WDR59: variants seen among roughly 807,000 people sequenced by gnomAD.
WDR59 encodes the protein WD repeat domain 59, also known as GATOR2 complex protein WDR59.
In WDR59, 100 loss-of-function variants were observed where a neutral mutation model predicts 131.2. That is an observed-to-expected ratio of 0.76 (90% confidence interval 0.65 to 0.90). The LOEUF (loss-of-function observed/expected upper bound fraction) is 0.90. WDR59 is among the 40% of genes least tolerant of loss of function. WDR59 has a pLI of 0.00. For missense variants in WDR59, 1,203 were observed against 1,262.2 expected, an observed-to-expected ratio of 0.95 and a Z score of 0.71; for synonymous variants, 601 against 466.2, an observed-to-expected ratio of 1.29 and a Z score of -3.72.
chr16:74,940,856 CCA>C (rs2032163177), intron 7 of WDR59, among the ~76,000 whole-genome samples: 1 of 152,026 alleles, frequency 6.6e-6, no homozygotes, highest in Admixed American at 6.6e-5. Context: ...CAGGCGCCCG[CCA>C]TCACGCCCAG....
At position 74,912,226 on chromosome 16, in the gene WDR59, G is replaced by A. The variant is rs780977659; in HGVS notation, c.1361C>T (p.Thr454Ile). The change falls in exon 14 of 26, where the codon ACA (threonine) becomes ATA (isoleucine). Residue 454 changes from threonine to isoleucine, a missense_variant. Physicochemically the swap from Thr to Ile is moderately conservative, Grantham distance 89. Transcript: ENST00000262144. ...CAGCAGCTTAGCTTTCATGGTGGAT[G>A]TGATGGTTGTGGGGTTAATAAACTG... ...SFQFINPTTI[T>I]STMKAKLLKI... 1.2e-5 allele frequency: 19 copies of A among 1,614,084 alleles called. No homozygotes were observed. The African/African-American group carries it at 2.0e-4, about 17-fold the overall frequency.
chr16:74,976,634 G>T (rs566437623), intron 1 of WDR59, among the ~76,000 whole-genome samples: 22 of 151,962 alleles, frequency 1.4e-4, no homozygotes, highest in African/African-American at 5.3e-4. Context: ...GTAGAGACAG[G>T]GTTTCACTGT....
At chr16:74,908,212 G>A (rs1362743506) in intron 17 of WDR59, among the ~76,000 whole-genome samples, 1 of 152,110 alleles carries the variant, frequency 6.6e-6, no homozygotes, top group Non-Finnish European at 1.5e-5. Context: ...GAGCTCAGGA[G>A]TTTGAGACCA....
chr16:74,970,115 G>T (rs1303150109), intron 1 of WDR59, among the ~76,000 whole-genome samples: 3 of 152,128 alleles, frequency 2.0e-5, no homozygotes, highest in Non-Finnish European at 2.9e-5. Context: ...GGTAGAGATA[G>T]TGTTTCACCA....
At chr16:74,974,391 A>T (rs1239670564) in intron 1 of WDR59, among the ~76,000 whole-genome samples, 1 of 152,144 alleles carries the variant, frequency 6.6e-6, no homozygotes, top group African/African-American at 2.4e-5. Flanking sequence ...TTTAATAATA[A>T]TGGTAATCAA....
intron 8 of WDR59, among the ~76,000 whole-genome samples, chr16:74,928,149 A>T (rs2031034411): frequency 7.0e-6 from 1 of 143,798 alleles, no homozygotes; most frequent in African/African-American, 2.6e-5. Context: ...ATCGTGATCC[A>T]CTCACCCCAG....
At chr16:74,963,430 TA>T (rs1359336724) in intron 2 of WDR59, among the ~76,000 whole-genome samples, 1 of 152,168 alleles carries the variant, frequency 6.6e-6, no homozygotes, top group Non-Finnish European at 1.5e-5. Context: ...AGAGATCATG[TA>T]CTTTGCAGGG....
At chr16:74,927,795 T>A (rs1321885852) in intron 8 of WDR59, among the ~76,000 whole-genome samples, 1 of 151,838 alleles carries the variant, frequency 6.6e-6, no homozygotes, top group African/African-American at 2.4e-5. Context: ...GCTGTTTTTT[T>A]CAAAAGATCG....
At position 74,923,947 on chromosome 16, in the gene WDR59, A is replaced by G; in HGVS notation, c.708T>C (p.Pro236=). 2.5e-6 allele frequency: 4 copies of G among 1,613,756 alleles called. No homozygotes were observed. Among genetic ancestry groups the G allele is most frequent in the Non-Finnish European group, 3.4e-6 (4 of 1,179,972 alleles). Residue 236 remains proline (P), a synonymous_variant, in exon 9 of 26, where the codon CCT becomes CCC. Transcript: ENST00000262144. ...TCACTGTGTATCTGGCCTTCCAGACAGGCACCTGGCAAGGAAGAATATTGA... is the reference window on the plus strand; with the variant it reads ...TCACTGTGTATCTGGCCTTCCAGACGGGCACCTGGCAAGGAAGAATATTGA... The part of the protein sequence containing the change: ...KYLNILPCQV[P]VWKARYTPFS...
At chr16:74,937,253 C>T (rs1017990307) in intron 8 of WDR59, among the ~76,000 whole-genome samples, 2 of 152,164 alleles carry the variant, frequency 1.3e-5, no homozygotes, top group Admixed American at 6.6e-5. Context: ...GTTACTGAAA[C>T]ACATAAAATC....
chr16:74,921,869 G>C, intron 10 of WDR59, 78 bp downstream of exon 10: 2 of 1,512,118 alleles, frequency 1.3e-6, no homozygotes, highest in Non-Finnish European at 1.8e-6. Flanking sequence ...TTCTTTACTG[G>C]ACTCCATGGC....
rs746574195 is a variant in WDR59 at position 74,970,495 on chromosome 16, C to CAAAAAAAAAAAAAA, written c.55-4687_55-4674dup. Among the ~76,000 whole-genome samples, 156 of 33,280 alleles carry CAAAAAAAAAAAAAA rather than the reference C, an allele frequency of 4.7e-3. 33 individuals are homozygous for CAAAAAAAAAAAAAA. The highest frequency in any genetic ancestry group is 8.0e-3 in the Non-Finnish European group (124 of 15,572). 21.8% of individuals were successfully genotyped at this position (33,280 alleles called of 152,430 possible). ...GGGTGACAGAGAGAGACTCTGTCTC[C>CAAAAAAAAAAAAAA]AAAAAAAAAAAAAAAAAAAAAAAAA... On this transcript the variant is annotated intron_variant, in intron 1 of 25. Coordinates refer to ENST00000262144, the MANE Select transcript of WDR59 (RefSeq NM_030581.4).
intron 3 of WDR59, among the ~76,000 whole-genome samples, chr16:74,952,045 A>C (rs1241878766): frequency 3.3e-5 from 5 of 150,352 alleles, no homozygotes; most frequent in African/African-American, 1.2e-4. Context: ...TAGAACTCCT[A>C]GGCTCAAACA....
intron 8 of WDR59, among the ~76,000 whole-genome samples, chr16:74,930,128 A>T (rs2031245870): frequency 6.6e-6 from 1 of 152,210 alleles, no homozygotes; most frequent in Non-Finnish European, 1.5e-5. Flanking sequence ...CCAGTATTTG[A>T]CAACACAACA....
intron 3 of WDR59, among the ~76,000 whole-genome samples, chr16:74,954,722 T>G (rs1373763100): frequency 6.6e-6 from 1 of 152,228 alleles, no homozygotes; most frequent in African/African-American, 2.4e-5. Context: ...GCCAGTCAAA[T>G]GTCCTCTGAT....
intron 18 of WDR59, chr16:74,899,648 C>G: frequency 7.9e-7 from 1 of 1,270,806 alleles, no homozygotes; most frequent in Non-Finnish European, 1.0e-6. Context: ...TCTTGGGCCT[C>G]GGGTAGAGAC....
intron 6 of WDR59, among the ~76,000 whole-genome samples, chr16:74,943,475 A>T (rs1267273028): frequency 6.6e-6 from 1 of 152,134 alleles, no homozygotes; most frequent in East Asian, 1.9e-4. Flanking sequence ...GCCAATACAG[A>T]GTGTCATTGA....
intron 13 of WDR59, among the ~76,000 whole-genome samples, chr16:74,913,043 T>C (rs140376136): frequency 7.0e-6 from 1 of 143,288 alleles, no homozygotes; most frequent in African/African-American, 2.6e-5. Flanking sequence ...TTATGGCCAG[T>C]TTTGGGGCCA....
chr16:74,912,023 T>C (rs1966118286), intron 14 of WDR59, 175 bp downstream of exon 14: 1 of 807,392 alleles, frequency 1.2e-6, no homozygotes, highest in South Asian at 2.0e-5. Flanking sequence ...ACCACTGCTC[T>C]GATGTTTTCT....
Sources: gnomAD v4.1 joint callset for allele counts (sites outside exome capture counted in the v4.1 genomes callset) on GRCh38, gnomAD v4.1.1 for gene constraint, MANE v1.5 for transcripts, NCBI Gene and HGNC (gene_info 2026-07-23, HGNC 2026-07-21) for gene names.